The following GALNT13 variants were observed in gnomAD, a reference collection of about 807,000 sequenced individuals.
GALNT13 encodes polypeptide N-acetylgalactosaminyltransferase 13, also known as UDP-GalNAc:polypeptide N-acetylgalactosaminyltransferase 13.
GALNT13 carries 28 observed loss-of-function variants against 64.2 expected under a neutral mutation model. The observed-to-expected ratio is 0.44, with a 90% CI of 0.32 to 0.60. The LOEUF (loss-of-function observed/expected upper bound fraction) is 0.60, where lower values mean the gene tolerates loss of function less well. Ranked by LOEUF, GALNT13 falls within the 20% of genes least tolerant of loss-of-function variation. GALNT13 has a pLI of 0.05. For synonymous variants in GALNT13, 214 were observed against 224.6 expected (o/e 0.95, Z 0.42); for missense variants, 577 against 669.8 (o/e 0.86, Z 1.53).
intron 11 of GALNT13, among the ~76,000 whole-genome samples, chr2:154,418,623 G>C (rs1700127777): frequency 6.6e-6 from 1 of 152,054 alleles, no homozygotes. Flanking sequence ...TTCCCACCCA[G>C]TAAAACTGAT....
intron 3 of GALNT13, among the ~76,000 whole-genome samples, chr2:154,110,358 G>C (rs1558963178): frequency 3.0e-5 from 3 of 100,878 alleles, no homozygotes; most frequent in East Asian, 7.0e-4. Context: ...GAGAGAGAGA[G>C]AGAGAGAGAG....
chr2:153,920,555 T>C (rs1574117299), intron 2 of GALNT13, among the ~76,000 whole-genome samples: 2 of 152,080 alleles, frequency 1.3e-5, no homozygotes, highest in South Asian at 4.1e-4. Context: ...GGAAATACCG[T>C]GCTGGACCTA....
At chr2:153,654,830 G>A in the GALNT13 span, among the ~76,000 whole-genome samples, 1 of 151,984 alleles carries the variant, frequency 6.6e-6, no homozygotes, top group Admixed American at 6.6e-5. Flanking sequence ...GGTATAGGGA[G>A]CAGGTGATCT....
At chr2:153,704,166 C>G in the GALNT13 span, among the ~76,000 whole-genome samples, 1 of 152,048 alleles carries the variant, frequency 6.6e-6, no homozygotes, top group Non-Finnish European at 1.5e-5. Flanking sequence ...TTATTCAAAA[C>G]TTTCTCTTTC....
chr2:154,141,900 G>A (rs1683279314), intron 4 of GALNT13, among the ~76,000 whole-genome samples: 1 of 152,152 alleles, frequency 6.6e-6, no homozygotes, highest in Admixed American at 6.6e-5. Flanking sequence ...TTAACTGTAA[G>A]CTATGCTCTA....
chr2:153,110,272 T>A, the GALNT13 span, among the ~76,000 whole-genome samples: 1 of 152,120 alleles, frequency 6.6e-6, no homozygotes. Flanking sequence ...ATACTGTCAC[T>A]GATAGCTTAA....
intron 10 of GALNT13, among the ~76,000 whole-genome samples, chr2:154,405,152 T>C (rs1456261217): frequency 1.3e-5 from 2 of 151,862 alleles, no homozygotes; most frequent in Non-Finnish European, 2.9e-5. Context: ...CTCTAAATGA[T>C]AGAATATAGA....
At position 153,941,121 on chromosome 2, in the gene GALNT13, A is replaced by G. The variant is rs115710500; in HGVS notation, c.-104-3273A>G. Among the ~76,000 whole-genome samples the G allele has an allele frequency of 9.5e-3, 1,443 of 152,162 alleles. 21 individuals are homozygous for G. The highest frequency in any genetic ancestry group is 0.033 in the African/African-American group (1,365 of 41,524). On this transcript the variant is annotated intron_variant, in intron 2 of 12. Coordinates refer to ENST00000392825, the MANE Select transcript of GALNT13 (RefSeq NM_052917.4). ...GCCCATGCTGGAGTACAGTGGCACT[A>G]TCTCCGTTCCATTACAGGCACACGC...
At chr2:153,432,994 G>A in the GALNT13 span, among the ~76,000 whole-genome samples, 1 of 151,532 alleles carries the variant, frequency 6.6e-6, no homozygotes, top group Non-Finnish European at 1.5e-5. Context: ...ACTCATGCAC[G>A]TGCACACACA....
chr2:153,260,810 C>G, the GALNT13 span, among the ~76,000 whole-genome samples: 1 of 152,170 alleles, frequency 6.6e-6, no homozygotes, highest in Non-Finnish European at 1.5e-5. Context: ...TCTACCTCCT[C>G]TTCAAGACCA....
chr2:153,193,814 CTTGTCTTGGAAAGTCT>C, the GALNT13 span, among the ~76,000 whole-genome samples: 13 of 152,066 alleles, frequency 8.5e-5, no homozygotes, highest in East Asian at 7.7e-4. Context: ...TCAGTTTTTG[CTTGTCTTGGAAAGTCT>C]TTATTTCACC....
At chr2:153,107,954 C>G in the GALNT13 span, among the ~76,000 whole-genome samples, 1 of 152,150 alleles carries the variant, frequency 6.6e-6, no homozygotes, top group East Asian at 1.9e-4. Flanking sequence ...AACACACTGT[C>G]TTACCTCTGC....
the GALNT13 span, among the ~76,000 whole-genome samples, chr2:153,599,885 G>A: frequency 2.6e-5 from 4 of 152,000 alleles, no homozygotes; most frequent in East Asian, 7.8e-4. Context: ...TCTTCTCAGA[G>A]CTGACACTAA....
chr2:153,070,414 A>G, the GALNT13 span, among the ~76,000 whole-genome samples: 1 of 152,170 alleles, frequency 6.6e-6, no homozygotes, highest in East Asian at 1.9e-4. Context: ...TGCATTTTTC[A>G]AAAACCATAG....
intron 8 of GALNT13, among the ~76,000 whole-genome samples, chr2:154,269,925 T>TATTTATATATATGTGTATATA (rs1421612508): frequency 4.3e-5 from 6 of 139,236 alleles, no homozygotes; most frequent in Non-Finnish European, 6.2e-5. Flanking sequence ...TATATATATA[T>TATTTATATATATGTGTATATA]TTCTAAAGCA....
chr2:153,214,644 T>C, the GALNT13 span, among the ~76,000 whole-genome samples: 4 of 152,184 alleles, frequency 2.6e-5, no homozygotes, highest in African/African-American at 7.2e-5. Context: ...GTTTCATTTT[T>C]CAAGTAACTG....
the GALNT13 span, among the ~76,000 whole-genome samples, chr2:153,210,172 CTTCT>C: frequency 6.6e-6 from 1 of 152,024 alleles, no homozygotes; most frequent in Non-Finnish European, 1.5e-5. Context: ...CCTTTTATTT[CTTCT>C]TTCTTTATGG....
the GALNT13 span, among the ~76,000 whole-genome samples, chr2:153,630,791 ATATATATATATATATATTT>A: frequency 5.1e-3 from 67 of 13,110 alleles, 1 homozygote; most frequent in African/African-American, 0.016. Context: ...ATATATATAT[ATATATATATATATATATTT>A]TTTTTTTTTT....
At chr2:153,414,017 A>G in the GALNT13 span, among the ~76,000 whole-genome samples, 1 of 152,188 alleles carries the variant, frequency 6.6e-6, no homozygotes, top group African/African-American at 2.4e-5. Context: ...AGAAAACTTT[A>G]AAGTGATTTA....
Sources: allele counts gnomAD v4.1 joint callset (sites outside exome capture counted in the v4.1 genomes callset), GRCh38; gene constraint gnomAD v4.1.1; transcripts MANE v1.5; gene names NCBI Gene and HGNC (gene_info 2026-07-23, HGNC 2026-07-21).